Variants in HOMER3 observed in about 807,000 individuals in gnomAD.
HOMER3 encodes the protein homer scaffold protein 3, also known as homer protein homolog 3.
A neutral mutation model predicts 45.5 loss-of-function variants in HOMER3; 34 were observed. The ratio of observed to expected loss-of-function variants is 0.75; its 90% confidence interval spans 0.57 to 1.00. The LOEUF (loss-of-function observed/expected upper bound fraction) is 1.00. HOMER3 is among the 50% of genes least tolerant of loss of function. The pLI, the probability that HOMER3 is intolerant of heterozygous loss-of-function variation, is 0.00. For synonymous variants in HOMER3, 223 were observed against 208.8 expected, an observed-to-expected ratio of 1.07 and a Z score of -0.58; for missense variants, 480 against 497.5, an observed-to-expected ratio of 0.96 and a Z score of 0.33.
At chr19:18,936,509 A>G (rs528209056) in intron 4 of HOMER3, among the ~76,000 whole-genome samples, 1 of 151,818 alleles carries the variant, frequency 6.6e-6, no homozygotes, top group African/African-American at 2.4e-5. Context: ...AAAATTTTGT[A>G]AAAATACAAA....
At position 18,934,806 on chromosome 19, in the gene HOMER3, C is replaced by T. The variant is rs565338071; in HGVS notation, c.304-396G>A. On this transcript the variant is annotated intron_variant, in intron 4 of 9. Coordinates refer to ENST00000392351, the MANE Select transcript of HOMER3 (RefSeq NM_004838.4). ...GACTACAGGTGTGTGCCATCATGCC[C>T]GGCTAATTTTTTCTAGAGACGGGGT... Among the ~76,000 whole-genome samples the T allele has an allele frequency of 9.9e-5, 15 of 152,062 alleles. 1 individual carries two copies. The highest frequency in any genetic ancestry group is 6.6e-4 in the Admixed American group (10 of 15,256).
intron 4 of HOMER3, among the ~76,000 whole-genome samples, chr19:18,937,060 C>T (rs1311261889): frequency 2.0e-5 from 3 of 151,162 alleles, no homozygotes; most frequent in African/African-American, 7.3e-5. Context: ...AATCCCAGCA[C>T]TTTAGGAGGC....
rs148293939 is a variant in HOMER3, at chr19:18,931,328, C to T, written c.891G>A (p.Val297=). 4.4e-5 allele frequency: 71 copies of T among 1,613,906 alleles called. No homozygotes were observed. The Middle Eastern group carries it at 6.6e-4, about 15-fold the overall frequency. Residue 297 remains valine (V), a synonymous_variant, in exon 9 of 10, where the codon GTG becomes GTA. Transcript: ENST00000392351. ...AAEREETQQK[V]QDLETRNAEL... ...ACCTCCTTGTGCCCACACACACCTG[C>T]ACCTTCTGCTGAGTCTCCTCACGCT...
At position 18,937,261 on chromosome 19, in the gene HOMER3, T is replaced by C. The variant is rs1342338763; in HGVS notation, c.303+1092A>G. Among the ~76,000 whole-genome samples, 4 of 139,774 alleles carry C rather than the reference T, an allele frequency of 2.9e-5. No individual in the cohort carries two copies. The Admixed American group carries it at 3.0e-4, about 10-fold the overall frequency. The allele number at this position is 139,774 out of a possible 152,430, so 91.7% of individuals were successfully genotyped here. On this transcript the variant is annotated intron_variant, in intron 4 of 9. Coordinates refer to ENST00000392351, the MANE Select transcript of HOMER3 (RefSeq NM_004838.4). ...AGGAGTTTGAGGCTGCAGTGAGCCA[T>C]GATTGCACTGCTTCACTCCAGCCTG... is the stretch of plus-strand genomic sequence containing the variant.
At chr19:18,931,835 C>G (rs1459137356) in intron 7 of HOMER3, 141 bp downstream of exon 7, 1 of 1,427,512 alleles carries the variant, frequency 7.0e-7, no homozygotes, top group Non-Finnish European at 9.2e-7. Context: ...TTTTACAGAG[C>G]AAGAAACTGA....
intron 9 of HOMER3, 195 bp downstream of exon 9, chr19:18,931,130 A>G (rs890041018): frequency 3.6e-6 from 2 of 559,656 alleles, no homozygotes; most frequent in African/African-American, 1.9e-5. Flanking sequence ...CAGGAACTCA[A>G]GCATTGCTTG....
At chr19:18,930,249 C>CA (rs35747460) in intron 9 of HOMER3, among the ~76,000 whole-genome samples, 36,352 of 93,512 alleles carry the variant, frequency 0.39, 6,911 homozygotes, top group Admixed American at 0.5. Flanking sequence ...GACTCCATCT[C>CA]AAAAAAAAAA....
chr19:18,932,885 A>T, intron 6 of HOMER3, 39 bp downstream of exon 6: 4 of 687,522 alleles, frequency 5.8e-6, no homozygotes, highest in South Asian at 3.5e-5. Flanking sequence ...CCCCACCCCT[A>T]CCCCCGCCCC....
chr19:18,931,984 G>T lies in HOMER3; in HGVS notation c.682C>A (p.Arg228=), dbSNP rs1281204977. Residue 228 remains arginine, a synonymous_variant, in exon 7 of 10, where the codon CGG becomes AGG. Transcript: ENST00000392351. ...GGGAGGGGTGCCCTCACCCGCTGCC[G>T]CAGCCGCTCGGCCTCTGCACGCTGA... is the stretch of plus-strand genomic sequence containing the variant. The part of the protein sequence containing the change: ...EAQRAEAERL[R]QRVAELEAQA... The T allele has an allele frequency of 7.8e-6, 12 of 1,529,152 alleles. No individual in the cohort carries two copies. Among genetic ancestry groups the T allele is most frequent in the African/African-American group, 2.8e-5 (2 of 72,278 alleles). The allele number at this position is 1,529,152 out of a possible 1,614,324, so 94.7% of individuals were successfully genotyped here.
At chr19:18,941,025 G>C (rs1468307932) in intron 1 of HOMER3, 26 bp downstream of exon 1, 1 of 151,912 alleles carries the variant, frequency 6.6e-6, no homozygotes, top group Non-Finnish European at 1.5e-5. Context: ...CGCGCTCCCA[G>C]CGCAGGCTCG....
At chr19:18,933,068 G>C (rs753788356) in intron 5 of HOMER3, 23 bp from the exon 6 acceptor site, 1 of 1,476,836 alleles carries the variant, frequency 6.8e-7, no homozygotes, top group Non-Finnish European at 9.0e-7. Context: ...AAAAGAATAG[G>C]TCACGACCCC....
At chr19:18,932,743 C>A (rs533364258) in intron 6 of HOMER3, among the ~76,000 whole-genome samples, 181 bp downstream of exon 6, 12 of 151,862 alleles carry the variant, frequency 7.9e-5, no homozygotes, top group African/African-American at 2.7e-4. Flanking sequence ...GCGTGGCCAA[C>A]GCAGGGTAGG....
intron 4 of HOMER3, among the ~76,000 whole-genome samples, chr19:18,938,106 C>T (rs1004120736): frequency 6.6e-6 from 1 of 151,946 alleles, no homozygotes; most frequent in African/African-American, 2.4e-5. Flanking sequence ...GCAGGAGAAT[C>T]GCTTGAACCC....
chr19:18,931,910 C>T (rs892502957), intron 7 of HOMER3, 66 bp downstream of exon 7: 11 of 1,456,152 alleles, frequency 7.6e-6, no homozygotes, highest in Non-Finnish European at 9.0e-6. Context: ...ATGGGAACTG[C>T]CGAGGCGCGG....
chr19:18,930,674 A>C (rs2057021960), intron 9 of HOMER3, among the ~76,000 whole-genome samples: 1 of 152,104 alleles, frequency 6.6e-6, no homozygotes, highest in South Asian at 2.1e-4. Context: ...CAGGAGTTCG[A>C]GACCAGTCTG....
chr19:18,934,339 C>T lies in HOMER3; in HGVS notation c.375G>A (p.Glu125=), dbSNP rs1325911898. ...LAREKSQDGG[E]LTSPALGLAS... ...CGAGCCCCAGGGCTGGACTGGTGAG[C>T]TCCCCGCCATCCTGAGATTTCTCCC... Residue 125 remains glutamate, a synonymous_variant, in exon 5 of 10, where the codon GAG becomes GAA. Coordinates refer to ENST00000392351, the MANE Select transcript of HOMER3 (RefSeq NM_004838.4). The T allele has an allele frequency of 1.3e-6, 2 of 1,585,760 alleles. No individual in the cohort carries two copies. The highest frequency in any genetic ancestry group is 1.8e-5 in the Admixed American group (1 of 56,608).
chr19:18,935,152 T>TTTGG (rs1555715207), intron 4 of HOMER3, among the ~76,000 whole-genome samples: 5 of 106,724 alleles, frequency 4.7e-5, no homozygotes, highest in African/African-American at 1.7e-4. Context: ...TTTTTTTTTT[T>TTTGG]GGGGGGGGAC....
chr19:18,938,541 C>G, intron 3 of HOMER3, 57 bp from the exon 4 acceptor site: 1 of 1,579,878 alleles, frequency 6.3e-7, no homozygotes, highest in Non-Finnish European at 8.7e-7. Flanking sequence ...AAACATGAAA[C>G]CCCCCAGGTA....
At chr19:18,938,009 T>C (rs1368379636) in intron 4 of HOMER3, among the ~76,000 whole-genome samples, 1 of 151,884 alleles carries the variant, frequency 6.6e-6, no homozygotes, top group Non-Finnish European at 1.5e-5. Flanking sequence ...CTGGCCAACA[T>C]GGTGAAACCC....
Sources: gnomAD v4.1 joint callset for allele counts (sites outside exome capture counted in the v4.1 genomes callset) on GRCh38, gnomAD v4.1.1 for gene constraint, MANE v1.5 for transcripts, NCBI Gene and HGNC (gene_info 2026-07-23, HGNC 2026-07-21) for gene names.